Variants in PTPRB observed in about 807,000 individuals in gnomAD.
PTPRB encodes receptor-type tyrosine-protein phosphatase beta.
Under a neutral mutation model 238.1 loss-of-function variants are expected in PTPRB, and 97 were observed. The observed-to-expected ratio is 0.41, with a 90% CI of 0.35 to 0.48. PTPRB has a LOEUF of 0.48. PTPRB is among the 20% of genes least tolerant of loss of function. The pLI, the probability that PTPRB is intolerant of heterozygous loss-of-function variation, is 0.30. For synonymous variants in PTPRB, 970 were observed against 995.4 expected (o/e 0.97, Z 0.48); for missense variants, 2,292 against 2,681.9 (o/e 0.85, Z 3.21).
chr12:70,603,033 CTTTG>C (rs1160462756), intron 4 of PTPRB, among the ~76,000 whole-genome samples: 3 of 142,344 alleles, frequency 2.1e-5, no homozygotes, highest in Non-Finnish European at 4.6e-5. Flanking sequence ...AACAGTTTTC[CTTTG>C]TTTTTTTTTT....
At chr12:70,527,729 A>C (rs1264422799) in intron 32 of PTPRB, 1 of 152,204 alleles carries the variant, frequency 6.6e-6, no homozygotes, top group East Asian at 1.9e-4. Flanking sequence ...TATCTCAAAT[A>C]AAGACAGAGG....
intron 4 of PTPRB, among the ~76,000 whole-genome samples, chr12:70,605,684 A>G (rs1378327360): frequency 6.6e-6 from 1 of 152,220 alleles, no homozygotes; most frequent in East Asian, 1.9e-4. Flanking sequence ...GTTTTGCCAA[A>G]TCTTCCAAAA....
intron 14 of PTPRB, 47 bp from the exon 15 acceptor site, chr12:70,566,751 G>A (rs772040565): frequency 3.8e-6 from 6 of 1,575,880 alleles, no homozygotes; most frequent in Non-Finnish European, 8.6e-7. Context: ...TTATCACTTA[G>A]GGTAAAGTCA....
At chr12:70,532,915 G>A (rs1291496694) in intron 31 of PTPRB, among the ~76,000 whole-genome samples, 1 of 152,166 alleles carries the variant, frequency 6.6e-6, no homozygotes, top group East Asian at 1.9e-4. Flanking sequence ...AAAGTGCTGG[G>A]ATTAGAGGCA....
intron 4 of PTPRB, 126 bp from the exon 5 acceptor site, chr12:70,596,453 A>T (rs1286563102): frequency 5.7e-6 from 6 of 1,049,676 alleles, no homozygotes; most frequent in Non-Finnish European, 7.4e-6. Flanking sequence ...ATTTTTCTCA[A>T]AAATCTGTTA....
At position 70,618,107 on chromosome 12, in the gene PTPRB, T is replaced by C. The variant is rs371916631; in HGVS notation, c.708+4283A>G. On this transcript the variant is annotated intron_variant, in intron 3 of 33. Transcript: ENST00000334414. ...GTGTTCTTGTTTGTTTTTTGTTTGTTTGTTTGTTTTGAAACAGGGTCTCAT... is the reference window on the plus strand; with the variant it reads ...GTGTTCTTGTTTGTTTTTTGTTTGTCTGTTTGTTTTGAAACAGGGTCTCAT... Among the ~76,000 whole-genome samples, 132 of 152,294 alleles carry C rather than the reference T, an allele frequency of 8.7e-4. 1 individual carries two copies. Among genetic ancestry groups the C allele is most frequent in the African/African-American group, 2.9e-3 (121 of 41,560 alleles).
rs780780247 is a variant in PTPRB, at chr12:70,587,027, G to A, written c.2291C>T (p.Ser764Phe). The stretch of plus-strand genomic sequence containing the variant: ...ACTACCTGTTCTTCCTTTTACTGAA[G>A]AGGAATTTTTTAAGTCTCCACTAAT... ...TSISGDLKNSSSVKGRTVPAQ... is the reference protein window; with the variant it reads ...TSISGDLKNSFSVKGRTVPAQ... The change falls in exon 9 of 34, where the codon TCT becomes TTT. Residue 764 changes from serine to phenylalanine, a missense_variant. By Grantham distance (155) the Ser-to-Phe change is radical. Around this residue, in one of 4 missense-constraint regions of PTPRB, gnomAD observed 1,205 missense variants for 1,287.8 expected, o/e 0.94. Coordinates refer to ENST00000334414, the MANE Select transcript of PTPRB (RefSeq NM_001109754.4). The A allele has an allele frequency of 6.8e-6, 11 of 1,613,594 alleles. No individual in the cohort carries two copies. The highest frequency in any genetic ancestry group is 9.3e-6 in the Non-Finnish European group (11 of 1,179,590).
At position 70,552,869 on chromosome 12, in the gene PTPRB, C is replaced by T. The variant is rs1379565712; in HGVS notation, c.5295G>A (p.Lys1765=). 3 of 1,613,984 alleles carry T rather than the reference C, an allele frequency of 1.9e-6. No individual in the cohort carries two copies. The highest frequency in any genetic ancestry group is 2.5e-6 in the Non-Finnish European group (3 of 1,179,878). Residue 1765 remains lysine (K), a synonymous_variant, in exon 21 of 34, where the codon AAG becomes AAA. Coordinates refer to ENST00000334414, the MANE Select transcript of PTPRB (RefSeq NM_001109754.4). The part of the protein sequence containing the change: ...PNSNSKSFNI[K]LGAEMESLGG... ...CTAGGCTCTCCATCTCTGCTCCAAG[C>T]TTAATGTTAAAACTCTTGGAGTTGC... is the stretch of plus-strand genomic sequence containing the variant.
At chr12:70,526,061 A>ATCTT (rs1362835337) in intron 32 of PTPRB, among the ~76,000 whole-genome samples, 1 of 152,126 alleles carries the variant, frequency 6.6e-6, no homozygotes, top group Non-Finnish European at 1.5e-5. Flanking sequence ...CTCACTAACA[A>ATCTT]TCTTTCCAAG....
Position 70,560,567 on chromosome 12 carries a change from A to C in PTPRB, c.4432+104T>G. Reference sequence around the variant, plus strand: ...CCAAATTCAGGGGCTAGCTCAGGGTATATCATTATTGGCTTTATCTCTTGT... The same window carrying C: ...CCAAATTCAGGGGCTAGCTCAGGGTCTATCATTATTGGCTTTATCTCTTGT... On this transcript the variant is annotated intron_variant, in intron 17 of 33. Coordinates refer to ENST00000334414, the MANE Select transcript of PTPRB (RefSeq NM_001109754.4). This position sits in a 1 kb window ranked among gnomAD's most constrained non-coding sequence, Gnocchi z 4.2. 6.9e-7 allele frequency: 1 copy of C among 1,441,056 alleles called. No homozygotes were observed. Among genetic ancestry groups the C allele is most frequent in the Non-Finnish European group, 9.5e-7 (1 of 1,058,046 alleles). The allele number at this position is 1,441,056 out of a possible 1,614,324, so 89.3% of individuals were successfully genotyped here. A position where few individuals can be genotyped will look rare whatever the true frequency, so the allele number is the denominator to read the frequency against.
chr12:70,538,904 A>G lies in PTPRB; in HGVS notation c.5869+20T>C. The G allele has an allele frequency of 6.3e-7, 1 of 1,594,386 alleles. No individual in the cohort carries two copies. Among genetic ancestry groups the G allele is most frequent in the Non-Finnish European group, 8.6e-7 (1 of 1,164,700 alleles). On this transcript the variant is annotated intron_variant, in intron 27 of 33. Transcript: ENST00000334414. Reference sequence around the variant, plus strand: ...ATGGCTAGAGGAAGACAGTATTACAAATTTTGACACAAAACTTACAGGGCA... The same window carrying G: ...ATGGCTAGAGGAAGACAGTATTACAGATTTTGACACAAAACTTACAGGGCA...
At chr12:70,629,356 TAAC>T (rs1446615820) in intron 2 of PTPRB, among the ~76,000 whole-genome samples, 1 of 151,972 alleles carries the variant, frequency 6.6e-6, no homozygotes, top group African/African-American at 2.4e-5. Context: ...ACTGGGTAAA[TAAC>T]AAAATGAAGG....
At position 70,594,608 on chromosome 12, in the gene PTPRB, T is replaced by C. The variant is rs774498249; in HGVS notation, c.1375A>G (p.Ile459Val). The change falls in exon 6 of 34, where the codon ATC (isoleucine) becomes GTC (valine). Residue 459 changes from isoleucine (I) to valine (V), a missense_variant. Coordinates refer to ENST00000334414, the MANE Select transcript of PTPRB (RefSeq NM_001109754.4). ...TCCACAACACCGCCATGAACTAGGA[T>C]CCCTTTATCCATTAGCATCAGCCGG... Reference protein sequence around the residue: ...RYRLMLMDKGILVHGGVVDKH... With the variant: ...RYRLMLMDKGVLVHGGVVDKH... 3.7e-6 allele frequency: 6 copies of C among 1,613,772 alleles called. No homozygotes were observed. The East Asian group carries it at 1.3e-4, about 36-fold the overall frequency.
intron 13 of PTPRB, among the ~76,000 whole-genome samples, chr12:70,570,488 A>G (rs1206740361): frequency 6.6e-6 from 1 of 151,994 alleles, no homozygotes; most frequent in Non-Finnish European, 1.5e-5. Context: ...CTGGGACTAC[A>G]GGCACGTAAC....
intron 6 of PTPRB, among the ~76,000 whole-genome samples, chr12:70,594,150 A>C (rs1192119727): frequency 6.6e-6 from 1 of 152,196 alleles, no homozygotes; most frequent in African/African-American, 2.4e-5. Flanking sequence ...GATGTCATAA[A>C]GACAGCAGTT....
In PTPRB at chr12:70,571,465, GT is replaced by G; in HGVS notation, c.3107-177del. The G allele has an allele frequency of 6.0e-6, 4 of 662,184 alleles. 1 individual carries two copies. The highest frequency in any genetic ancestry group is 3.4e-4 in the Middle Eastern group (1 of 2,912). The allele number at this position is 662,184 out of a possible 1,614,324, so 41.0% of individuals were successfully genotyped here. ...ATTGGAAGCAACTATTAACATTGTG[GT>G]TTTTTCCTGACATAAATGTTACATG... On this transcript the variant is annotated intron_variant, in intron 12 of 33. Transcript: ENST00000334414.
chr12:70,572,026 T>A lies in PTPRB; in HGVS notation c.2904A>T (p.Val968=). ...AGTCTCCAGTGGCATGCACCCAGGA[T>A]ACCCTTAAATAGTCACTCCTGGCTG... ...SNSARSDYLR[V]SWVHATGDFD... is the part of the protein sequence containing the mutation. Residue 968 remains valine, a synonymous_variant, in exon 12 of 34, where the codon GTA becomes GTT. Coordinates refer to ENST00000334414, the MANE Select transcript of PTPRB (RefSeq NM_001109754.4). The A allele has an allele frequency of 1.2e-6, 2 of 1,613,686 alleles. No individual in the cohort carries two copies. The highest frequency in any genetic ancestry group is 1.7e-6 in the Non-Finnish European group (2 of 1,179,578).
chr12:70,549,864 C>G (rs1004375559), intron 21 of PTPRB, among the ~76,000 whole-genome samples: 1 of 152,118 alleles, frequency 6.6e-6, no homozygotes, highest in Non-Finnish European at 1.5e-5. Flanking sequence ...CAAATATGTA[C>G]ACAGAGATGA....
intron 10 of PTPRB, among the ~76,000 whole-genome samples, chr12:70,579,235 G>T (rs1022197938): frequency 1.3e-5 from 2 of 152,104 alleles, no homozygotes; most frequent in Non-Finnish European, 2.9e-5. Flanking sequence ...ATTGTGTGTG[G>T]ATTAAAACAC....
Sources: allele counts gnomAD v4.1 joint callset (sites outside exome capture counted in the v4.1 genomes callset), GRCh38; gene constraint gnomAD v4.1.1; regional missense constraint gnomAD v4.1.1; non-coding constraint Gnocchi (gnomAD v3.1); transcripts MANE v1.5; gene names NCBI Gene and HGNC (gene_info 2026-07-23, HGNC 2026-07-21).